The following DRD2 variants were observed in gnomAD, a reference collection of about 807,000 sequenced individuals.
The protein encoded by DRD2 is dopamine receptor D2, also known as D(2) dopamine receptor.
Under a neutral mutation model 38.0 loss-of-function variants are expected in DRD2, and 8 were observed. The ratio of observed to expected loss-of-function variants is 0.21; its 90% CI spans 0.12 to 0.38. DRD2 has a LOEUF of 0.38. DRD2 is among the 10% of genes least tolerant of loss of function. The pLI is 1.00. For synonymous variants in DRD2, 230 were observed against 238.6 expected (o/e 0.96, Z 0.33); for missense variants, 403 against 607.7 (o/e 0.66, Z 3.54).
At chr11:113,424,022 C>T (rs931054901) in intron 2 of DRD2, among the ~76,000 whole-genome samples, 2 of 152,192 alleles carry the variant, frequency 1.3e-5, no homozygotes, top group African/African-American at 4.8e-5. Flanking sequence ...TGTGATGCTG[C>T]AGCAGTTACT....
chr11:113,425,803 TG>T (rs1261822706), intron 1 of DRD2, among the ~76,000 whole-genome samples: 5 of 150,768 alleles, frequency 3.3e-5, no homozygotes, highest in African/African-American at 1.2e-4. Flanking sequence ...ATGAGAGGGG[TG>T]GGGGGATGTT....
intron 1 of DRD2, among the ~76,000 whole-genome samples, chr11:113,467,448 A>G (rs2119992631): frequency 6.6e-6 from 1 of 152,314 alleles, no homozygotes; most frequent in South Asian, 2.1e-4. Context: ...AAAACATGAT[A>G]GCATTTGCTC....
intron 1 of DRD2, among the ~76,000 whole-genome samples, chr11:113,447,985 G>A (rs1435206815): frequency 2.0e-5 from 3 of 152,088 alleles, no homozygotes; most frequent in African/African-American, 7.2e-5. Flanking sequence ...ACTGTCTATT[G>A]TGGTTAAAGC....
intron 1 of DRD2, among the ~76,000 whole-genome samples, chr11:113,431,019 G>T (rs1950981358): frequency 6.6e-6 from 1 of 152,104 alleles, no homozygotes; most frequent in Non-Finnish European, 1.5e-5. Flanking sequence ...TTTGATTTTT[G>T]ATTGTGAAAA....
Position 113,416,980 on chromosome 11 carries a change from G to T in DRD2, c.415C>A (p.Pro139Thr), listed in dbSNP as rs1950833967. Residue 139 changes from proline (P) to threonine (T), a missense_variant, in exon 4 of 8, where the codon CCC (proline) becomes ACC (threonine). By Grantham distance (38) the Pro-to-Thr change is conservative. Transcript: ENST00000362072. Reference sequence around the variant, plus strand: ...CTGTAGCGCGTATTGTACAGCATGGGCATGGCCACAGCTGTGTACCTGCAA... The same window carrying T: ...CTGTAGCGCGTATTGTACAGCATGGTCATGGCCACAGCTGTGTACCTGCAA... ...SIDRYTAVAMPMLYNTRYSSK... is the reference protein window; with the variant it reads ...SIDRYTAVAMTMLYNTRYSSK... 1 of 1,613,952 alleles carries T rather than the reference G, an allele frequency of 6.2e-7. No homozygotes were observed. Among genetic ancestry groups the T allele is most frequent in the Non-Finnish European group, 8.5e-7 (1 of 1,180,002 alleles).
At chr11:113,417,071 A>G (rs1000229570) in intron 3 of DRD2, 72 bp from the exon 4 acceptor site, 15 of 1,574,934 alleles carry the variant, frequency 9.5e-6, no homozygotes, top group Non-Finnish European at 1.3e-5. Context: ...TGCACACACC[A>G]GAGACACCCT....
intron 1 of DRD2, among the ~76,000 whole-genome samples, chr11:113,433,475 G>A (rs1188541322): frequency 6.6e-6 from 1 of 152,146 alleles, no homozygotes; most frequent in African/African-American, 2.4e-5. Flanking sequence ...CTACCATTTG[G>A]GGGTGGCAGA....
Position 113,473,088 on chromosome 11 carries a change from G to C in DRD2, c.-32+1988C>G, listed in dbSNP as rs571905586. 2.0e-5 allele frequency among the ~76,000 whole-genome samples: 3 copies of C among 152,196 alleles called. 1 individual carries two copies. In the South Asian group the frequency reaches 6.2e-4, roughly 32 times the overall value. ...ATAAATTTCAAATGTATGAAATTTA[G>C]GAATATTTAAGATATCAGCAAATGG... is the stretch of plus-strand genomic sequence containing the variant. On this transcript the variant is annotated intron_variant, in intron 1 of 7. Transcript: ENST00000362072.
At chr11:113,427,774 C>G (rs111632069) in intron 1 of DRD2, among the ~76,000 whole-genome samples, 2 of 152,130 alleles carry the variant, frequency 1.3e-5, no homozygotes, top group Non-Finnish European at 2.9e-5. Context: ...TGCTCTTCCC[C>G]CAACCCACAA....
Position 113,475,245 on chromosome 11 carries a change from A to G in DRD2, c.-201T>C, listed in dbSNP as rs1951471037. On this transcript the variant is annotated 5_prime_UTR_variant, in exon 1 of 8. Coordinates refer to ENST00000362072, the MANE Select transcript of DRD2 (RefSeq NM_000795.4). ...CGCGCCGTTCAGAGCCCCGGCGGGC[A>G]GCAGCTCGGCCGGCTCTGGCCCGCG... 1 of 149,010 alleles carries G rather than the reference A, an allele frequency of 6.7e-6. No homozygotes were observed. The highest frequency in any genetic ancestry group is 1.5e-5 in the Non-Finnish European group (1 of 66,888). 9.2% of individuals were successfully genotyped at this position (149,010 alleles called of 1,614,324 possible).
intron 1 of DRD2, among the ~76,000 whole-genome samples, chr11:113,441,992 C>A (rs2119859755): frequency 6.6e-6 from 1 of 151,624 alleles, no homozygotes; most frequent in Admixed American, 6.6e-5. Flanking sequence ...TTCCCCACAT[C>A]CCCCGTATAT....
chr11:113,467,564 G>T (rs556862360), intron 1 of DRD2, among the ~76,000 whole-genome samples: 19 of 152,308 alleles, frequency 1.2e-4, no homozygotes, highest in Admixed American at 2.6e-4. Flanking sequence ...AAGAAAAAAA[G>T]TCACCTTGTC....
intron 1 of DRD2, among the ~76,000 whole-genome samples, chr11:113,472,098 A>C (rs1391337695): frequency 6.6e-6 from 1 of 152,234 alleles, no homozygotes; most frequent in East Asian, 1.9e-4. Flanking sequence ...GTGCCAACAC[A>C]GGATTGGCTC....
chr11:113,422,057 G>A (rs1041917620), intron 2 of DRD2, among the ~76,000 whole-genome samples: 5 of 152,138 alleles, frequency 3.3e-5, no homozygotes, highest in African/African-American at 9.7e-5. Flanking sequence ...AAGTGCCTGG[G>A]TAGGGACAGG....
chr11:113,413,984 G>A (rs1258686662), intron 6 of DRD2: 2 of 335,784 alleles, frequency 6.0e-6, no homozygotes, highest in Admixed American at 8.0e-5. Context: ...AGACGGGTGA[G>A]TTGCCTAATC....
chr11:113,441,058 G>A (rs948918054), intron 1 of DRD2, among the ~76,000 whole-genome samples: 8 of 152,120 alleles, frequency 5.3e-5, no homozygotes, highest in Non-Finnish European at 8.8e-5. Context: ...AGCTTTGATG[G>A]CTGTGGCAAG....
intron 2 of DRD2, among the ~76,000 whole-genome samples, chr11:113,419,605 C>T (rs1022441559): frequency 2.0e-5 from 3 of 151,990 alleles, no homozygotes; most frequent in Non-Finnish European, 2.9e-5. Context: ...GCCCCAGTTC[C>T]CTGAGGATGG....
Position 113,410,345 on chromosome 11 carries a change from C to A in DRD2, c.*382G>T. 1 of 431,752 alleles carries A rather than the reference C, an allele frequency of 2.3e-6. No homozygotes were observed. The highest frequency in any genetic ancestry group is 4.3e-6 in the Non-Finnish European group (1 of 231,850). The allele number at this position is 431,752 out of a possible 1,614,324, so 26.7% of individuals were successfully genotyped here. The stretch of plus-strand genomic sequence containing the variant: ...CCACCGCCTGCTCCACGCCAAGCCC[C>A]ACAAAGAGAAAACTCAGCCTCTGGG... On this transcript the variant is annotated 3_prime_UTR_variant, in exon 8 of 8. Coordinates refer to ENST00000362072, the MANE Select transcript of DRD2 (RefSeq NM_000795.4).
intron 1 of DRD2, among the ~76,000 whole-genome samples, chr11:113,428,342 G>T (rs899520054): frequency 6.6e-6 from 1 of 152,208 alleles, no homozygotes; most frequent in African/African-American, 2.4e-5. Flanking sequence ...AGGGCAACAG[G>T]GTAGGGCCTT....
Sources: gnomAD v4.1 joint callset for allele counts (sites outside exome capture counted in the v4.1 genomes callset) on GRCh38, gnomAD v4.1.1 for gene constraint, MANE v1.5 for transcripts, NCBI Gene and HGNC (gene_info 2026-07-23, HGNC 2026-07-21) for gene names.